SPAG16: variants seen among roughly 807,000 people sequenced by gnomAD.
The protein encoded by SPAG16 is sperm associated antigen 16, also known as sperm-associated antigen 16 protein.
SPAG16 carries 86 observed loss-of-function variants against 80.4 expected under a neutral mutation model. The observed-to-expected ratio is 1.07, with a 90% CI of 0.90 to 1.28. SPAG16 has a LOEUF of 1.28. SPAG16 is among the 50% of genes most tolerant of loss of function. The probability of loss-of-function intolerance (pLI) is 0.00; values close to 1 mark genes in which losing one functional copy is unlikely to be tolerated. For synonymous variants in SPAG16, 294 were observed against 265.9 expected, an observed-to-expected ratio of 1.11 and a Z score of -1.03; for missense variants, 870 against 765.3, an observed-to-expected ratio of 1.14 and a Z score of -1.61.
At chr2:214,233,338 G>C (rs908203636) in intron 15 of SPAG16, among the ~76,000 whole-genome samples, 2 of 137,066 alleles carry the variant, frequency 1.5e-5, no homozygotes, top group Non-Finnish European at 3.2e-5. Context: ...AGTAAAAATA[G>C]ATAATAATGA....
rs1345619807 is a variant in SPAG16, at chr2:213,317,362, T to C, written c.536+6T>C. On this transcript the variant is annotated splice_donor_region_variant and intron_variant, in intron 5 of 15. Coordinates refer to ENST00000331683, the MANE Select transcript of SPAG16 (RefSeq NM_024532.5). ...CACTACAAACAAGCAGCTGAGTATG[T>C]TATTTTTTAAATGACATTTTCTTCT... 3 of 1,600,410 alleles carry C rather than the reference T, an allele frequency of 1.9e-6. No individual in the cohort carries two copies. Among genetic ancestry groups the C allele is most frequent in the Admixed American group, 3.5e-5 (2 of 56,656 alleles).
chr2:213,502,264 C>T (rs1306094393), intron 10 of SPAG16, among the ~76,000 whole-genome samples: 4 of 151,922 alleles, frequency 2.6e-5, no homozygotes. Context: ...TAGCTGAGAC[C>T]ACTGGCATGC....
chr2:213,643,611 T>C (rs561872941), intron 10 of SPAG16, among the ~76,000 whole-genome samples: 5 of 149,888 alleles, frequency 3.3e-5, no homozygotes, highest in Non-Finnish European at 7.4e-5. Context: ...CCCTATCTCT[T>C]TTTCTACTTC....
chr2:213,473,106 G>T (rs886967281), intron 9 of SPAG16, among the ~76,000 whole-genome samples: 1 of 152,116 alleles, frequency 6.6e-6, no homozygotes, highest in African/African-American at 2.4e-5. Context: ...CTACGTAGAA[G>T]TTTTCTGCTT....
intron 13 of SPAG16, among the ~76,000 whole-genome samples, chr2:214,036,528 A>G (rs2048706063): frequency 2.0e-5 from 3 of 152,234 alleles, no homozygotes; most frequent in South Asian, 2.1e-4. Flanking sequence ...ACCTGTCTCT[A>G]TTTAGCTAAC....
chr2:213,998,372 C>T (rs548699503), intron 12 of SPAG16, among the ~76,000 whole-genome samples: 87 of 152,246 alleles, frequency 5.7e-4, no homozygotes, highest in Non-Finnish European at 9.8e-4. Flanking sequence ...ATAAGTCTCA[C>T]GAGATCTGAT....
At chr2:213,715,354 G>A (rs1235072980) in intron 10 of SPAG16, among the ~76,000 whole-genome samples, 1 of 152,084 alleles carries the variant, frequency 6.6e-6, no homozygotes, top group Non-Finnish European at 1.5e-5. Flanking sequence ...TTCCATGTGT[G>A]TATGTGAAAC....
intron 15 of SPAG16, among the ~76,000 whole-genome samples, chr2:214,186,277 A>G (rs1336488073): frequency 6.6e-6 from 1 of 152,126 alleles, no homozygotes; most frequent in African/African-American, 2.4e-5. Flanking sequence ...AGTATAAAGC[A>G]TAAGATTGTC....
intron 10 of SPAG16, among the ~76,000 whole-genome samples, chr2:213,854,041 G>T (rs926649438): frequency 1.6e-4 from 25 of 152,148 alleles, no homozygotes; most frequent in African/African-American, 6.0e-4. Context: ...CCCTCAGTGT[G>T]TTCCTGAAAT....
intron 15 of SPAG16, among the ~76,000 whole-genome samples, chr2:214,380,861 A>G (rs1700408688): frequency 6.6e-6 from 1 of 152,220 alleles, no homozygotes; most frequent in African/African-American, 2.4e-5. Flanking sequence ...CCACTTCTAC[A>G]TTAGTGTAAT....
intron 10 of SPAG16, among the ~76,000 whole-genome samples, chr2:213,616,913 G>T (rs2061615038): frequency 1.3e-5 from 2 of 152,110 alleles, no homozygotes; most frequent in African/African-American, 4.8e-5. Context: ...AGTTACCTTG[G>T]GGTCTAGGAA....
In SPAG16 at chr2:213,809,470, G is replaced by C. The variant is rs1409344262; in HGVS notation, c.1071-53015G>C. Among the ~76,000 whole-genome samples, 3 of 152,072 alleles carry C rather than the reference G, an allele frequency of 2.0e-5. No homozygotes were observed. In the East Asian group the frequency reaches 5.8e-4, roughly 29 times the overall value. On this transcript the variant is annotated intron_variant, in intron 10 of 15. Transcript: ENST00000331683. ...AGATATTTCTGCTAATAACACAGTAGCTCTAAATGAAAAAAGAGGTACTAC... is the reference window on the plus strand; with the variant it reads ...AGATATTTCTGCTAATAACACAGTACCTCTAAATGAAAAAAGAGGTACTAC...
intron 12 of SPAG16, among the ~76,000 whole-genome samples, chr2:214,008,687 G>A (rs944488385): frequency 6.6e-6 from 1 of 151,546 alleles, no homozygotes; most frequent in Admixed American, 6.6e-5. Flanking sequence ...AGAGGTTGCA[G>A]TGAGCCAAGA....
intron 10 of SPAG16, among the ~76,000 whole-genome samples, chr2:213,770,213 T>C (rs2069165825): frequency 6.6e-6 from 1 of 152,202 alleles, no homozygotes; most frequent in Non-Finnish European, 1.5e-5. Flanking sequence ...CTATAAACTT[T>C]CTTGTACAAG....
chr2:213,908,545 T>A (rs1332832032), intron 11 of SPAG16, among the ~76,000 whole-genome samples: 1 of 152,216 alleles, frequency 6.6e-6, no homozygotes, highest in Non-Finnish European at 1.5e-5. Flanking sequence ...GTGGCTATTC[T>A]TTCCTTAACG....
intron 15 of SPAG16, among the ~76,000 whole-genome samples, chr2:214,400,047 T>A (rs1051304358): frequency 2.6e-5 from 4 of 152,046 alleles, no homozygotes; most frequent in Non-Finnish European, 5.9e-5. Context: ...AGAACATTTT[T>A]AGGACTTTAG....
chr2:214,082,756 G>A (rs1275480531), intron 13 of SPAG16, among the ~76,000 whole-genome samples: 1 of 152,132 alleles, frequency 6.6e-6, no homozygotes. Context: ...TTATTTGCCT[G>A]GTAATAATCA....
chr2:213,320,515 CTGTT>C (rs1392472723), intron 5 of SPAG16, among the ~76,000 whole-genome samples: 5 of 151,932 alleles, frequency 3.3e-5, no homozygotes, highest in Non-Finnish European at 5.9e-5. Context: ...TTCTATCTAA[CTGTT>C]TGTATCCATT....
intron 10 of SPAG16, among the ~76,000 whole-genome samples, chr2:213,613,834 C>T (rs6708414): frequency 0.025 from 3,860 of 152,216 alleles, 160 homozygotes; most frequent in African/African-American, 0.087. Context: ...ATTCCTCTCC[C>T]TATAGGAATA....
Sources: allele counts gnomAD v4.1 joint callset (sites outside exome capture counted in the v4.1 genomes callset), GRCh38; gene constraint gnomAD v4.1.1; transcripts MANE v1.5; gene names NCBI Gene and HGNC (gene_info 2026-07-23, HGNC 2026-07-21).